The following SUPT3H variants were observed in gnomAD, a reference collection of about 807,000 sequenced individuals.
SUPT3H encodes SPT3 homolog, SAGA and STAGA complex component, also known as transcription initiation protein SPT3 homolog.
In SUPT3H, 44 loss-of-function variants were observed where a neutral mutation model predicts 44.3. The ratio of observed to expected loss-of-function variants is 0.99; its 90% CI spans 0.78 to 1.28. The LOEUF is 1.28. Among genes scored for constraint, SUPT3H ranks in the 50% most tolerant of loss-of-function variants. The pLI, the probability that SUPT3H is intolerant of heterozygous loss-of-function variation, is 0.00. For synonymous variants in SUPT3H, 124 were observed against 125.6 expected (o/e 0.99, Z 0.09); for missense variants, 380 against 387.1 (o/e 0.98, Z 0.15).
intron 2 of SUPT3H, among the ~76,000 whole-genome samples, chr6:45,270,379 G>A (rs182621516): frequency 5.0e-4 from 76 of 152,216 alleles, no homozygotes; most frequent in Non-Finnish European, 8.2e-4. Context: ...GTTGTGGGAG[G>A]CACCCAGTGG....
chr6:44,956,470 CAAA>C, intron 7 of SUPT3H, among the ~76,000 whole-genome samples: 1 of 4,994 alleles, frequency 2.0e-4, no homozygotes, highest in South Asian at 8.9e-3. Flanking sequence ...GAAACTGTCT[CAAA>C]AAAAAAAAAA....
intron 2 of SUPT3H, among the ~76,000 whole-genome samples, chr6:45,172,704 G>C (rs1811027329): frequency 6.6e-6 from 1 of 150,786 alleles, no homozygotes; most frequent in African/African-American, 2.4e-5. Context: ...TGATTCTCCT[G>C]TCTCAGCCTC....
chr6:45,066,634 GTA>G (rs2153547784), intron 3 of SUPT3H, among the ~76,000 whole-genome samples: 1 of 102,700 alleles, frequency 9.7e-6, no homozygotes, highest in African/African-American at 4.0e-5. Context: ...CAAAATCAAT[GTA>G]CAAAAATCAC....
chr6:45,142,129 T>C (rs999116699), intron 2 of SUPT3H, among the ~76,000 whole-genome samples: 5 of 152,174 alleles, frequency 3.3e-5, no homozygotes, highest in African/African-American at 1.2e-4. Context: ...CAGCCAAGCA[T>C]TTTGTATCCA....
Position 45,056,795 on chromosome 6 carries a change from A to G in SUPT3H, c.187-36163T>C, listed in dbSNP as rs116708264. On this transcript the variant is annotated intron_variant, in intron 3 of 10. Coordinates refer to ENST00000371459, the MANE Select transcript of SUPT3H (RefSeq NM_003599.4). ...GTATACCAAAATATCAGAAATCATC[A>G]CTAAATAACTTATCCATGTAAGCAA... is the stretch of plus-strand genomic sequence containing the variant. Among the ~76,000 whole-genome samples the G allele has an allele frequency of 2.2e-3, 333 of 152,254 alleles. 1 individual carries two copies. Among genetic ancestry groups the G allele is most frequent in the African/African-American group, 7.5e-3 (311 of 41,546 alleles).
intron 4 of SUPT3H, among the ~76,000 whole-genome samples, chr6:45,015,680 C>T (rs1278221651): frequency 6.6e-6 from 1 of 152,002 alleles, no homozygotes; most frequent in African/African-American, 2.4e-5. Flanking sequence ...ACACCTTACA[C>T]AATTGTACAA....
intron 3 of SUPT3H, among the ~76,000 whole-genome samples, chr6:45,036,729 T>C (rs1194789655): frequency 2.0e-5 from 3 of 152,008 alleles, no homozygotes; most frequent in Admixed American, 6.6e-5. Context: ...ACATGCAAAA[T>C]ATATAAAAAT....
At chr6:45,349,238 C>T (rs1416305252) in intron 2 of SUPT3H, among the ~76,000 whole-genome samples, 1 of 152,126 alleles carries the variant, frequency 6.6e-6, no homozygotes, top group Admixed American at 6.6e-5. Flanking sequence ...TATGGAATCA[C>T]AATAATTCTC....
chr6:45,106,253 G>T (rs1327211157), intron 2 of SUPT3H, among the ~76,000 whole-genome samples: 1 of 152,068 alleles, frequency 6.6e-6, no homozygotes, highest in Non-Finnish European at 1.5e-5. Context: ...ATAACATGGT[G>T]AAACTCCGCC....
chr6:45,084,172 C>G (rs765790084), intron 3 of SUPT3H, among the ~76,000 whole-genome samples: 4 of 152,110 alleles, frequency 2.6e-5, no homozygotes, highest in Non-Finnish European at 5.9e-5. Context: ...AGCTTCTGCA[C>G]AGCAAAAGAA....
intron 2 of SUPT3H, among the ~76,000 whole-genome samples, chr6:45,215,283 T>C (rs1764852828): frequency 1.3e-5 from 2 of 151,680 alleles, no homozygotes; most frequent in East Asian, 1.9e-4. Context: ...ACAAGAAACA[T>C]GAAAAAGCCA....
At chr6:45,031,777 G>A (rs1786979877) in intron 3 of SUPT3H, among the ~76,000 whole-genome samples, 2 of 152,158 alleles carry the variant, frequency 1.3e-5, no homozygotes, top group Non-Finnish European at 2.9e-5. Context: ...ACTTGGTAAG[G>A]TGCAGATGGG....
At chr6:45,136,553 G>A (rs1363020091) in intron 2 of SUPT3H, among the ~76,000 whole-genome samples, 1 of 151,362 alleles carries the variant, frequency 6.6e-6, no homozygotes, top group Non-Finnish European at 1.5e-5. Context: ...AAAAACTAAA[G>A]GAAAGTATAA....
intron 2 of SUPT3H, among the ~76,000 whole-genome samples, chr6:45,135,218 C>T (rs1266350170): frequency 2.0e-5 from 3 of 152,124 alleles, no homozygotes; most frequent in Admixed American, 1.3e-4. Flanking sequence ...CTTAGCTTGC[C>T]TCAAAGGTCT....
chr6:44,937,589 A>C (rs1375952667), intron 9 of SUPT3H, among the ~76,000 whole-genome samples: 2 of 152,098 alleles, frequency 1.3e-5, no homozygotes, highest in Non-Finnish European at 2.9e-5. Flanking sequence ...ATCCTCACCA[A>C]CATGTTATTT....
At chr6:45,224,199 T>C (rs1292550820) in intron 2 of SUPT3H, among the ~76,000 whole-genome samples, 2 of 151,876 alleles carry the variant, frequency 1.3e-5, no homozygotes, top group African/African-American at 4.8e-5. Flanking sequence ...CCACTCACTA[T>C]ACAGGTTTTC....
Position 45,158,298 on chromosome 6 carries a change from A to ATATATATTTTT in SUPT3H, c.102-52293_102-52292insAAAAATATATA. Among the ~76,000 whole-genome samples, 23 of 99,694 alleles carry ATATATATTTTT rather than the reference A, an allele frequency of 2.3e-4. 2 individuals carry two copies. Among genetic ancestry groups the ATATATATTTTT allele is most frequent in the African/African-American group, 1.2e-3 (23 of 19,958 alleles). 65.4% of individuals were successfully genotyped at this position (99,694 alleles called of 152,430 possible). A position where few individuals can be genotyped will look rare whatever the true frequency, so the allele number is the denominator to read the frequency against. On this transcript the variant is annotated intron_variant, in intron 2 of 10. Coordinates refer to ENST00000371459, the MANE Select transcript of SUPT3H (RefSeq NM_003599.4). ...TACATATATATATATATATATATAT[A>ATATATATTTTT]TTTTTTTTTTTTTTTTTTTGAGATG...
chr6:44,956,800 C>G (rs1775289607), intron 7 of SUPT3H, among the ~76,000 whole-genome samples: 1 of 152,162 alleles, frequency 6.6e-6, no homozygotes, highest in African/African-American at 2.4e-5. Context: ...CTTGATCATA[C>G]AGGCCAAAGG....
At chr6:45,263,999 TAAAA>T (rs1774837538) in intron 2 of SUPT3H, among the ~76,000 whole-genome samples, 1 of 152,070 alleles carries the variant, frequency 6.6e-6, no homozygotes, top group Non-Finnish European at 1.5e-5. Flanking sequence ...TTCTCCAACA[TAAAA>T]TTGAAAGAAA....
Sources: gnomAD v4.1 joint callset for allele counts (sites outside exome capture counted in the v4.1 genomes callset) on GRCh38, gnomAD v4.1.1 for gene constraint, MANE v1.5 for transcripts, NCBI Gene and HGNC (gene_info 2026-07-23, HGNC 2026-07-21) for gene names.